The following SDK1 variants were observed in gnomAD, a reference collection of about 807,000 sequenced individuals.
SDK1 encodes protein sidekick-1.
SDK1 carries 157 observed loss-of-function variants against 245.5 expected under a neutral mutation model. That is an observed-to-expected ratio of 0.64 (90% CI 0.56 to 0.73). The LOEUF is 0.73. Ranked by LOEUF, SDK1 falls within the 30% of genes least tolerant of loss-of-function variation. The pLI, the probability that SDK1 is intolerant of heterozygous loss-of-function variation, is 0.00. For missense variants in SDK1, 3,583 were observed against 3,002.3 expected (o/e 1.19, Z -4.52); for synonymous variants, 1,647 against 1,278.5 (o/e 1.29, Z -6.15).
intron 4 of SDK1, among the ~76,000 whole-genome samples, chr7:3,699,456 G>C (rs1784677969): frequency 6.6e-6 from 1 of 152,152 alleles, no homozygotes; most frequent in Non-Finnish European, 1.5e-5. Context: ...ATAGAGTACT[G>C]AATGGAAATT....
chr7:3,774,861 C>T (rs1028451962), intron 4 of SDK1, among the ~76,000 whole-genome samples: 2 of 152,212 alleles, frequency 1.3e-5, no homozygotes, highest in African/African-American at 2.4e-5. Context: ...ACAAACCATG[C>T]TGTGACTACT....
chr7:3,619,045 TCA>T (rs1781855174), intron 1 of SDK1, 33 bp from the exon 2 acceptor site: 1 of 1,503,738 alleles, frequency 6.7e-7, no homozygotes, highest in South Asian at 1.2e-5. Context: ...CATGCGTACT[TCA>T]GTTTTGTTTT....
intron 1 of SDK1, among the ~76,000 whole-genome samples, chr7:3,349,908 T>G (rs2128557510): frequency 6.6e-6 from 1 of 152,194 alleles, no homozygotes; most frequent in Non-Finnish European, 1.5e-5. Context: ...GGCCTAAGAG[T>G]ACATGTATCT....
intron 5 of SDK1, among the ~76,000 whole-genome samples, chr7:3,948,211 G>C (rs1298385883): frequency 7.0e-6 from 1 of 142,958 alleles, no homozygotes; most frequent in Non-Finnish European, 1.5e-5. Flanking sequence ...CCATAAGTCA[G>C]ATTCACCTTG....
chr7:4,074,896 A>G (rs1305333793), intron 20 of SDK1, among the ~76,000 whole-genome samples: 1,223 of 67,164 alleles, frequency 0.018, 15 homozygotes, highest in African/African-American at 0.026. Flanking sequence ...GTATATATAT[A>G]TATATATATA....
intron 14 of SDK1, among the ~76,000 whole-genome samples, chr7:4,009,967 C>T (rs1013430459): frequency 2.0e-5 from 3 of 152,210 alleles, no homozygotes; most frequent in Non-Finnish European, 2.9e-5. Flanking sequence ...GATGCTGACA[C>T]GCAGCTGGTA....
At chr7:4,151,904 G>T (rs903572892) in intron 30 of SDK1, among the ~76,000 whole-genome samples, 2 of 152,184 alleles carry the variant, frequency 1.3e-5, no homozygotes, top group Non-Finnish European at 2.9e-5. Context: ...AGAGGTCAAG[G>T]CTCCATAGAC....
At chr7:3,450,006 A>G (rs927646742) in intron 1 of SDK1, among the ~76,000 whole-genome samples, 4 of 152,248 alleles carry the variant, frequency 2.6e-5, no homozygotes, top group Non-Finnish European at 4.4e-5. Flanking sequence ...AAGTGGTCAC[A>G]TCGGAGCTGC....
chr7:3,775,855 C>T (rs985068602), intron 4 of SDK1, among the ~76,000 whole-genome samples: 8 of 152,146 alleles, frequency 5.3e-5, no homozygotes, highest in African/African-American at 1.7e-4. Context: ...GGATTACAGG[C>T]GTGAGCCACC....
At chr7:3,320,127 C>T (rs35298757) in intron 1 of SDK1, among the ~76,000 whole-genome samples, 25 of 151,692 alleles carry the variant, frequency 1.6e-4, no homozygotes, top group Admixed American at 6.6e-4. Context: ...TAGGAAGCTC[C>T]GGATGACTGT....
At position 4,241,776 on chromosome 7, in the gene SDK1, C is replaced by T; in HGVS notation, c.6131-17C>T. The stretch of plus-strand genomic sequence containing the variant: ...CACCAGTAACACGTCTGTTCTCACT[C>T]TCCTGCTGGGCTTTAGGAAAGGGGA... On this transcript the variant is annotated splice_polypyrimidine_tract_variant and intron_variant, in intron 42 of 44. Coordinates refer to ENST00000404826, the MANE Select transcript of SDK1 (RefSeq NM_152744.4). 6.2e-7 allele frequency: 1 copy of T among 1,614,032 alleles called. No individual in the cohort carries two copies. The highest frequency in any genetic ancestry group is 8.5e-7 in the Non-Finnish European group (1 of 1,179,970).
At chr7:3,524,756 C>T (rs73035959) in intron 1 of SDK1, among the ~76,000 whole-genome samples, 5,064 of 152,182 alleles carry the variant, frequency 0.033, 129 homozygotes, top group African/African-American at 0.059. Context: ...GGAACTGTTG[C>T]ACAGGCATTT....
chr7:4,205,279 G>A (rs1784153540), intron 35 of SDK1, among the ~76,000 whole-genome samples: 1 of 152,148 alleles, frequency 6.6e-6, no homozygotes, highest in Non-Finnish European at 1.5e-5. Flanking sequence ...TCATAGCCAG[G>A]GATGCCTGAA....
chr7:3,630,928 C>G (rs1782269874), intron 2 of SDK1, among the ~76,000 whole-genome samples: 1 of 151,892 alleles, frequency 6.6e-6, no homozygotes, highest in Admixed American at 6.6e-5. Flanking sequence ...GGGAAGATTT[C>G]TCTACAAGAT....
chr7:3,334,784 C>T (rs1316586916), intron 1 of SDK1, among the ~76,000 whole-genome samples: 1 of 152,138 alleles, frequency 6.6e-6, no homozygotes, highest in Non-Finnish European at 1.5e-5. Context: ...TTCAACCTTT[C>T]CCAGAAGTCT....
intron 1 of SDK1, among the ~76,000 whole-genome samples, chr7:3,339,759 AT>A (rs1780297257): frequency 6.6e-6 from 1 of 152,168 alleles, no homozygotes; most frequent in Non-Finnish European, 1.5e-5. Context: ...TAGCACTGTT[AT>A]AAATTAAGTT....
rs915063472 is a variant in SDK1 at position 3,401,962 on chromosome 7, C to T, written c.298+100078C>T. Among the ~76,000 whole-genome samples, 10 of 152,070 alleles carry T rather than the reference C, an allele frequency of 6.6e-5. No individual in the cohort carries two copies. The South Asian group carries it at 8.3e-4, about 13-fold the overall frequency. The stretch of plus-strand genomic sequence containing the variant: ...ATGTGTGTAGCTGTCTTTACTGCAT[C>T]TGTCGATTAGGAGGTAAGAACACCT... On this transcript the variant is annotated intron_variant, in intron 1 of 44. Coordinates refer to ENST00000404826, the MANE Select transcript of SDK1 (RefSeq NM_152744.4).
intron 5 of SDK1, among the ~76,000 whole-genome samples, chr7:3,867,473 A>C (rs935595642): frequency 2.0e-5 from 3 of 152,246 alleles, no homozygotes. Context: ...TCACAGTGTC[A>C]TATGGCTGGG....
intron 1 of SDK1, among the ~76,000 whole-genome samples, chr7:3,361,271 T>A (rs1194220557): frequency 1.3e-5 from 2 of 152,166 alleles, no homozygotes; most frequent in African/African-American, 4.8e-5. Context: ...CCTTAAAAAA[T>A]TCATTTTAAA....
Sources: allele counts gnomAD v4.1 joint callset (sites outside exome capture counted in the v4.1 genomes callset), GRCh38; gene constraint gnomAD v4.1.1; transcripts MANE v1.5; gene names NCBI Gene and HGNC (gene_info 2026-07-23, HGNC 2026-07-21).